ITGA9: variants seen among roughly 807,000 people sequenced by gnomAD.
ITGA9 encodes integrin subunit alpha 9.
A neutral mutation model predicts 127.8 loss-of-function variants in ITGA9; 56 were observed. That is an observed-to-expected ratio of 0.44 (90% CI 0.35 to 0.55). The LOEUF is 0.55. Among genes scored for constraint, ITGA9 ranks in the 20% least tolerant of loss-of-function variants. The pLI is 0.00. For missense variants in ITGA9, 1,196 were observed against 1,347.1 expected, an observed-to-expected ratio of 0.89 and a Z score of 1.76; for synonymous variants, 508 against 514.5, an observed-to-expected ratio of 0.99 and a Z score of 0.17.
intron 26 of ITGA9, among the ~76,000 whole-genome samples, chr3:37,798,949 A>G (rs1697205423): frequency 1.3e-5 from 2 of 152,126 alleles, no homozygotes; most frequent in South Asian, 4.1e-4. Flanking sequence ...TTCTGTCATC[A>G]TTTTTAATAG....
At chr3:37,590,866 A>T (rs1225588511) in intron 15 of ITGA9, among the ~76,000 whole-genome samples, 1 of 152,134 alleles carries the variant, frequency 6.6e-6, no homozygotes, top group African/African-American at 2.4e-5. Flanking sequence ...CCTACTCCAC[A>T]TAGATGCAGG....
chr3:37,471,639 C>G (rs768377956), intron 2 of ITGA9, among the ~76,000 whole-genome samples: 13 of 152,166 alleles, frequency 8.5e-5, no homozygotes, highest in Admixed American at 7.2e-4. Context: ...CCACGTGGGG[C>G]CTAGCAGGCC....
At chr3:37,716,662 T>A (rs2125681406) in intron 18 of ITGA9, among the ~76,000 whole-genome samples, 1 of 150,572 alleles carries the variant, frequency 6.6e-6, no homozygotes, top group Admixed American at 6.7e-5. Context: ...TCATCCTTTT[T>A]TTCAAAGAAA....
rs149428936 is a variant in ITGA9, at chr3:37,503,245, C to G, written c.680C>G (p.Thr227Arg). The change falls in exon 6 of 28, where the codon ACG (threonine) becomes AGG (arginine). Residue 227 changes from threonine to arginine, a missense_variant. Thr to Arg is a moderately conservative substitution (Grantham distance 71). Transcript: ENST00000264741. Reference protein sequence around the residue: ...WAGTIKVLNLTDNTYLKLNDE... With the variant: ...WAGTIKVLNLRDNTYLKLNDE... ...GGAACCATCAAAGTGCTGAACCTTA[C>G]GGACAACACCTATTTAAAACTGAAC... 2 of 1,613,950 alleles carry G rather than the reference C, an allele frequency of 1.2e-6. No homozygotes were observed. Among genetic ancestry groups the G allele is most frequent in the South Asian group, 2.2e-5 (2 of 91,076 alleles).
chr3:37,468,483 T>C (rs1698395147), intron 1 of ITGA9, among the ~76,000 whole-genome samples: 1 of 152,174 alleles, frequency 6.6e-6, no homozygotes, highest in Non-Finnish European at 1.5e-5. Flanking sequence ...CTTTGTGATA[T>C]CTGCCAGCCT....
At chr3:37,628,417 G>A (rs1315884511) in intron 15 of ITGA9, among the ~76,000 whole-genome samples, 7 of 152,178 alleles carry the variant, frequency 4.6e-5, no homozygotes, top group Non-Finnish European at 1.0e-4. Context: ...GGGCTGAACA[G>A]ATGTGACTGA....
rs55856910 is a variant in ITGA9 at position 37,512,109 on chromosome 3, C to T, written c.898-1654C>T. ...CCTTCCTTCCTTCCTTCCTTCCTTCCTTCCTTCCTTCTTTCTTTTCTTTTC... is the reference window on the plus strand; with the variant it reads ...CCTTCCTTCCTTCCTTCCTTCCTTCTTTCCTTCCTTCTTTCTTTTCTTTTC... On this transcript the variant is annotated intron_variant, in intron 8 of 27. Coordinates refer to ENST00000264741, the MANE Select transcript of ITGA9 (RefSeq NM_002207.3). Among the ~76,000 whole-genome samples, 65 of 92,910 alleles carry T rather than the reference C, an allele frequency of 7.0e-4. 4 individuals are homozygous for T. Among genetic ancestry groups the T allele is most frequent in the African/African-American group, 2.4e-3 (51 of 21,014 alleles). 61.0% of individuals were successfully genotyped at this position (92,910 alleles called of 152,430 possible).
intron 8 of ITGA9, among the ~76,000 whole-genome samples, chr3:37,512,129 CTTTTCTTTTCT>C (rs1698931025): frequency 2.9e-4 from 3 of 10,522 alleles, no homozygotes; most frequent in East Asian, 4.0e-3. Flanking sequence ...TCTTTCTTTT[CTTTTCTTTTCT>C]TTTCTTTTCT....
At chr3:37,467,381 C>T (rs1356488772) in intron 1 of ITGA9, among the ~76,000 whole-genome samples, 1 of 152,198 alleles carries the variant, frequency 6.6e-6, no homozygotes, top group Non-Finnish European at 1.5e-5. Context: ...AATAATTCAG[C>T]AGGTTCCTTT....
intron 3 of ITGA9, among the ~76,000 whole-genome samples, chr3:37,478,709 A>G (rs986046330): frequency 6.6e-6 from 1 of 152,226 alleles, no homozygotes; most frequent in Admixed American, 6.5e-5. Context: ...ATGTGTGTAT[A>G]TATAATGATA....
intron 15 of ITGA9, among the ~76,000 whole-genome samples, chr3:37,548,169 A>G (rs1473587123): frequency 6.6e-6 from 1 of 152,222 alleles, no homozygotes; most frequent in Non-Finnish European, 1.5e-5. Context: ...ATGACTTTTG[A>G]AAGCATTAAA....
At chr3:37,500,730 A>C (rs1311229568) in intron 5 of ITGA9, among the ~76,000 whole-genome samples, 2 of 152,212 alleles carry the variant, frequency 1.3e-5, no homozygotes, top group Non-Finnish European at 2.9e-5. Context: ...AGCTTCTGCC[A>C]GTGCGTGGGC....
chr3:37,818,191 T>TTAAAAAAAAAAAAAAAAA lies in ITGA9; in HGVS notation c.3010-700_3010-699insTAAAAAAAAAAAAAAAAA, dbSNP rs1553674108. 1.5e-3 allele frequency: 48 copies of TTAAAAAAAAAAAAAAAAA among 31,968 alleles called. 2 individuals are homozygous for TTAAAAAAAAAAAAAAAAA. Among genetic ancestry groups the TTAAAAAAAAAAAAAAAAA allele is most frequent in the African/African-American group, 4.4e-3 (47 of 10,664 alleles). The allele number at this position is 31,968 out of a possible 1,614,324, so 2.0% of individuals were successfully genotyped here. On this transcript the variant is annotated intron_variant, in intron 27 of 27. Coordinates refer to ENST00000264741, the MANE Select transcript of ITGA9 (RefSeq NM_002207.3). The stretch of plus-strand genomic sequence containing the variant: ...CTTTCCACTGTACATTAAGACTCTC[T>TTAAAAAAAAAAAAAAAAA]AAAAAAAAAAAAAAAAAAAAAAAAA...
rs1324181665 is a variant in ITGA9 at position 37,629,949 on chromosome 3, C to A, written c.1839+613C>A. 6.6e-6 allele frequency among the ~76,000 whole-genome samples: 1 copy of A among 152,194 alleles called. No individual in the cohort carries two copies. Among genetic ancestry groups the A allele is most frequent in the Non-Finnish European group, 1.5e-5 (1 of 68,046 alleles). On this transcript the variant is annotated intron_variant, in intron 16 of 27. Transcript: ENST00000264741. The surrounding 1 kb of genome is among the most constrained non-coding windows in gnomAD (Gnocchi z 4.5). Reference sequence around the variant, plus strand: ...CGCTGGCCAGCTCTGAGGCGTGCAGCACTGAGTGCGGTGCAGGAATATGCA... The same window carrying A: ...CGCTGGCCAGCTCTGAGGCGTGCAGAACTGAGTGCGGTGCAGGAATATGCA...
intron 23 of ITGA9, among the ~76,000 whole-genome samples, chr3:37,764,796 G>A (rs551706704): frequency 1.3e-5 from 2 of 152,314 alleles, no homozygotes; most frequent in African/African-American, 4.8e-5. Flanking sequence ...CTTTGCACCT[G>A]CCTTTGCTGA....
At chr3:37,657,076 G>A (rs557603960) in intron 17 of ITGA9, among the ~76,000 whole-genome samples, 3 of 151,984 alleles carry the variant, frequency 2.0e-5, no homozygotes, top group South Asian at 2.1e-4. Flanking sequence ...TTTGATGTGC[G>A]GCTGGATTCA....
chr3:37,609,140 C>T (rs947387074), intron 15 of ITGA9, among the ~76,000 whole-genome samples: 2 of 152,074 alleles, frequency 1.3e-5, no homozygotes, highest in Non-Finnish European at 2.9e-5. Flanking sequence ...TATGCTTGCC[C>T]GCCTCTTCCA....
At position 37,481,615 on chromosome 3, in the gene ITGA9, T is replaced by A. The variant is rs758938914; in HGVS notation, c.544+8T>A. 71 of 1,614,000 alleles carry A rather than the reference T, an allele frequency of 4.4e-5. No homozygotes were observed. The highest frequency in any genetic ancestry group is 1.6e-4 in the Middle Eastern group (1 of 6,080). On this transcript the variant is annotated splice_region_variant and intron_variant, in intron 4 of 27. Coordinates refer to ENST00000264741, the MANE Select transcript of ITGA9 (RefSeq NM_002207.3). ...TGATCCCTTGCTATGAAGGTGAGCA[T>A]GGATTGATTTTTCCTCATCCCCCTA... is the stretch of plus-strand genomic sequence containing the variant.
chr3:37,735,238 T>C (rs1308388907), intron 19 of ITGA9, among the ~76,000 whole-genome samples: 27 of 152,198 alleles, frequency 1.8e-4, no homozygotes. Context: ...TTTAATTTAA[T>C]TCAGATCTCC....
Sources: allele counts gnomAD v4.1 joint callset (sites outside exome capture counted in the v4.1 genomes callset), GRCh38; gene constraint gnomAD v4.1.1; non-coding constraint Gnocchi (gnomAD v3.1); transcripts MANE v1.5; gene names NCBI Gene and HGNC (gene_info 2026-07-23, HGNC 2026-07-21).